MBD1: variants seen among roughly 807,000 people sequenced by gnomAD.
MBD1 encodes the protein methyl-CpG binding domain protein 1.
A neutral mutation model predicts 82.6 loss-of-function variants in MBD1; 25 were observed. That is an observed-to-expected ratio of 0.30 (90% CI 0.22 to 0.42). The LOEUF is 0.42. MBD1 is among the 10% of genes least tolerant of loss of function. The pLI is 1.00. For synonymous variants in MBD1, 301 were observed against 303.7 expected, an observed-to-expected ratio of 0.99 and a Z score of 0.09; for missense variants, 627 against 819.6, an observed-to-expected ratio of 0.76 and a Z score of 2.87.
At chr18:50,268,723 C>T (rs1761154827), downstream of MBD1, 1 of 190,458 alleles carries the variant, frequency 5.3e-6, no homozygotes, top group Non-Finnish European at 9.7e-6. Flanking sequence ...GTAAGTGAAT[C>T]GCTCAGGGTC....
At chr18:50,270,233 T>TA (rs1246731463) in intron 16 of MBD1, 1 of 1,399,530 alleles carries the variant, frequency 7.1e-7, no homozygotes, top group East Asian at 2.3e-5. Context: ...CTGAATTACT[T>TA]AAAGCTGCAG....
chr18:50,277,227 T>G, intron 2 of MBD1, 23 bp from the exon 3 acceptor site: 3 of 1,571,304 alleles, frequency 1.9e-6, no homozygotes, highest in Non-Finnish European at 2.6e-6. Flanking sequence ...CATGATGGGT[T>G]AGCACCCAGG....
Position 50,269,051 on chromosome 18 carries a change from A to G in MBD1, c.*800T>C, listed in dbSNP as rs1199681277. ...CACCATTTGTAATACATATTGATGC[A>G]TTTAATAAAATTGCATGGGCCGTAT... On this transcript the variant is annotated 3_prime_UTR_variant, in exon 17 of 17. Transcript: ENST00000269468. The G allele has an allele frequency of 1.3e-5, 13 of 987,122 alleles. No homozygotes were observed. The highest frequency in any genetic ancestry group is 4.7e-5 in the South Asian group (1 of 21,444). 61.1% of individuals were successfully genotyped at this position (987,122 alleles called of 1,614,324 possible).
At chr18:50,277,296 G>A in intron 2 of MBD1, 92 bp from the exon 3 acceptor site, 2 of 1,038,880 alleles carry the variant, frequency 1.9e-6, no homozygotes, top group Non-Finnish European at 2.9e-6. Context: ...GATATAGGAG[G>A]CAGCCTGGAA....
At position 50,277,095 on chromosome 18, in the gene MBD1, G is replaced by A. The variant is rs1182748371; in HGVS notation, c.220C>T (p.Pro74Ser). ...FKQGILCYPAPKAHPVAVASK... is the reference protein window; with the variant it reads ...FKQGILCYPASKAHPVAVASK... ...TATCTCATGTTGTGAAGTACCTTGG[G>A]GGCTGGATAGCACAAGATGCCTTGT... The change falls in exon 3 of 17, where the codon CCC (proline) becomes TCC (serine). Residue 74 changes from proline to serine, a missense_variant. Physicochemically the swap from Pro to Ser is moderately conservative, Grantham distance 74. Coordinates refer to ENST00000269468, the MANE Select transcript of MBD1 (RefSeq NM_015846.4). 2 of 1,614,226 alleles carry A rather than the reference G, an allele frequency of 1.2e-6. No homozygotes were observed. Among genetic ancestry groups the A allele is most frequent in the East Asian group, 4.5e-5 (2 of 44,884 alleles).
intron 2 of MBD1, among the ~76,000 whole-genome samples, chr18:50,279,104 G>A (rs1185837750): frequency 2.0e-5 from 3 of 152,154 alleles, no homozygotes; most frequent in African/African-American, 7.2e-5. Flanking sequence ...ATGCCATGTC[G>A]CCTTTTGAAA....
intron 2 of MBD1, among the ~76,000 whole-genome samples, chr18:50,277,662 A>AC (rs965339635): frequency 8.5e-5 from 13 of 152,094 alleles, no homozygotes; most frequent in Non-Finnish European, 1.5e-4. Context: ...TGATTTTGGG[A>AC]CCCCCATGGG....
rs369762167 is a variant in MBD1, at chr18:50,275,689, C to T, written c.703G>A (p.Glu235Lys). The change falls in exon 8 of 17, where the codon GAG becomes AAG. Residue 235 changes from glutamate (E) to lysine (K), a missense_variant. Around this residue, in one of 6 missense-constraint regions of MBD1, gnomAD observed 228 missense variants for 318.1 expected, o/e 0.72. Coordinates refer to ENST00000269468, the MANE Select transcript of MBD1 (RefSeq NM_015846.4). The part of the protein sequence containing the change: ...CGVCRGCQTQ[E>K]DCGHCPICLR... The stretch of plus-strand genomic sequence containing the variant: ...CAGATGGGGCAATGGCCACAATCCT[C>T]TTGGGTCTGACAGCCCCGGCATACT... The T allele has an allele frequency of 5.0e-6, 8 of 1,614,220 alleles. No homozygotes were observed. The South Asian group carries it at 6.6e-5, about 13-fold the overall frequency.
At chr18:50,277,513 G>A (rs1056808388) in intron 2 of MBD1, among the ~76,000 whole-genome samples, 12 of 151,450 alleles carry the variant, frequency 7.9e-5, no homozygotes, top group African/African-American at 2.2e-4. Flanking sequence ...TATTATATTT[G>A]TGTTATATAT....
At chr18:50,279,302 T>C (rs2039302631) in intron 2 of MBD1, among the ~76,000 whole-genome samples, 1 of 152,246 alleles carries the variant, frequency 6.6e-6, no homozygotes, top group South Asian at 2.1e-4. Context: ...CTGTACTTTC[T>C]GAAGCAGCTT....
At position 50,269,269 on chromosome 18, in the gene MBD1, T is replaced by C. The variant is rs531462522; in HGVS notation, c.*582A>G. ...CTTTGCATTTTCAGCCACATAGTTATATTGAGTTATCCTCAGGTGAGCAGT... is the reference window on the plus strand; with the variant it reads ...CTTTGCATTTTCAGCCACATAGTTACATTGAGTTATCCTCAGGTGAGCAGT... On this transcript the variant is annotated 3_prime_UTR_variant, in exon 17 of 17. Coordinates refer to ENST00000269468, the MANE Select transcript of MBD1 (RefSeq NM_015846.4). The C allele has an allele frequency of 8.2e-5, 95 of 1,159,110 alleles. No homozygotes were observed. In the African/African-American group the frequency reaches 1.2e-3, roughly 15 times the overall value. 71.8% of individuals were successfully genotyped at this position (1,159,110 alleles called of 1,614,324 possible). A position where few individuals can be genotyped will look rare whatever the true frequency, so the allele number is the denominator to read the frequency against.
chr18:50,280,312 T>C (rs559057133), intron 1 of MBD1, among the ~76,000 whole-genome samples: 1 of 152,000 alleles, frequency 6.6e-6, no homozygotes, highest in African/African-American at 2.4e-5. Context: ...TTCTCCTCAC[T>C]GCCAATCCAG....
At position 50,269,095 on chromosome 18, in the gene MBD1, CTAGTAT is replaced by C; in HGVS notation, c.*750_*755del. 1.0e-6 allele frequency: 1 copy of C among 990,920 alleles called. No homozygotes were observed. Among genetic ancestry groups the C allele is most frequent in the Non-Finnish European group, 1.2e-6 (1 of 832,828 alleles). The allele number at this position is 990,920 out of a possible 1,614,324, so 61.4% of individuals were successfully genotyped here. On this transcript the variant is annotated 3_prime_UTR_variant, in exon 17 of 17. Transcript: ENST00000269468. ...GCCGTATCTTTTGCATTTCTGTATC[CTAGTAT>C]TAAGTACAGTGCCTACCACAGGCCA...
Position 50,275,930 on chromosome 18 carries a change from C to T in MBD1, c.568G>A (p.Ala190Thr), listed in dbSNP as rs768733963. The T allele has an allele frequency of 3.1e-6, 5 of 1,613,840 alleles. No homozygotes were observed. Among genetic ancestry groups the T allele is most frequent in the Non-Finnish European group, 4.2e-6 (5 of 1,180,032 alleles). ...AACQVTEDCGACSTCLLQLPH... is the reference protein window; with the variant it reads ...AACQVTEDCGTCSTCLLQLPH... ...AGCTGCAGGAGGCAGGTGGAGCAGG[C>T]CCCACAGTCTTCTGTTACCTGGCAG... Residue 190 changes from alanine (A) to threonine (T), a missense_variant, in exon 7 of 17, where the codon GCC becomes ACC. By Grantham distance (58) the Ala-to-Thr change is moderately conservative. Around this residue, in one of 6 missense-constraint regions of MBD1, gnomAD observed 228 missense variants for 318.1 expected, o/e 0.72. Coordinates refer to ENST00000269468, the MANE Select transcript of MBD1 (RefSeq NM_015846.4).
At position 50,273,558 on chromosome 18, in the gene MBD1, C is replaced by T; in HGVS notation, c.1446+6G>A. ...CTGGGAAGGCAGGACAGGGTGGGGC[C>T]CTCACCTGCAACAGGGCTTCTGTGG... On this transcript the variant is annotated splice_donor_region_variant and intron_variant, in intron 12 of 16. Transcript: ENST00000269468. 6.2e-7 allele frequency: 1 copy of T among 1,612,950 alleles called. No individual in the cohort carries two copies. The highest frequency in any genetic ancestry group is 8.5e-7 in the Non-Finnish European group (1 of 1,180,026).
chr18:50,276,061 C>G, intron 6 of MBD1, 80 bp from the exon 7 acceptor site: 2 of 1,537,256 alleles, frequency 1.3e-6, no homozygotes, highest in Non-Finnish European at 1.8e-6. Context: ...CCTACATCAG[C>G]TGGCATCACC....
intron 16 of MBD1, 92 bp downstream of exon 16, chr18:50,271,377 G>T: frequency 6.2e-7 from 1 of 1,607,472 alleles, no homozygotes; most frequent in East Asian, 2.2e-5. Context: ...TCCTCCTAGG[G>T]TTGATTCACA....
chr18:50,281,128 C>G, intron 1 of MBD1: 1 of 1,528,078 alleles, frequency 6.5e-7, no homozygotes, highest in Non-Finnish European at 8.8e-7. Flanking sequence ...TCCACCATTC[C>G]TCTCCGTCCT....
downstream of MBD1, among the ~76,000 whole-genome samples, chr18:50,268,325 G>A (rs910663232): frequency 3.3e-5 from 5 of 152,254 alleles, no homozygotes; most frequent in African/African-American, 1.2e-4. Flanking sequence ...AGGCGATGGG[G>A]TAAACCGACC....
Sources: allele counts gnomAD v4.1 joint callset (sites outside exome capture counted in the v4.1 genomes callset), GRCh38; gene constraint gnomAD v4.1.1; regional missense constraint gnomAD v4.1.1; transcripts MANE v1.5; gene names NCBI Gene and HGNC (gene_info 2026-07-23, HGNC 2026-07-21).